Variants in EPHA6 observed in about 807,000 individuals in gnomAD.
The protein encoded by EPHA6 is ephrin type-A receptor 6.
In EPHA6, 50 loss-of-function variants were observed where a neutral mutation model predicts 112.0. The observed-to-expected ratio is 0.45, with a 90% CI of 0.36 to 0.56. EPHA6 has a LOEUF of 0.56. Among genes scored for constraint, EPHA6 ranks in the 20% least tolerant of loss-of-function variants. EPHA6 has a pLI of 0.00. For missense variants in EPHA6, 1,280 were observed against 1,417.4 expected, an observed-to-expected ratio of 0.90 and a Z score of 1.56; for synonymous variants, 529 against 490.7, an observed-to-expected ratio of 1.08 and a Z score of -1.03.
chr3:97,026,565 A>G (rs1232330471), intron 3 of EPHA6, among the ~76,000 whole-genome samples: 1 of 152,140 alleles, frequency 6.6e-6, no homozygotes, highest in Non-Finnish European at 1.5e-5. Context: ...TAAGTCTAAT[A>G]TCCTGCATTT....
At chr3:97,263,228 T>A (rs2079557787) in intron 5 of EPHA6, among the ~76,000 whole-genome samples, 1 of 152,134 alleles carries the variant, frequency 6.6e-6, no homozygotes, top group Non-Finnish European at 1.5e-5. Context: ...AGAAGAAGTG[T>A]TTAAAAGTGT....
At chr3:96,856,188 G>A (rs532250303) in intron 1 of EPHA6, among the ~76,000 whole-genome samples, 7 of 151,806 alleles carry the variant, frequency 4.6e-5, no homozygotes, top group Admixed American at 6.6e-5. Context: ...TGCAGTGAGC[G>A]GAGATCGCGC....
At chr3:97,204,165 G>A (rs1333184070) in intron 3 of EPHA6, among the ~76,000 whole-genome samples, 2 of 152,014 alleles carry the variant, frequency 1.3e-5, no homozygotes, top group Non-Finnish European at 2.9e-5. Flanking sequence ...TTTACTTAAG[G>A]AATAGTGAAA....
chr3:97,285,376 C>T (rs1948380883), intron 5 of EPHA6, among the ~76,000 whole-genome samples: 1 of 152,002 alleles, frequency 6.6e-6, no homozygotes, highest in Non-Finnish European at 1.5e-5. Flanking sequence ...CTTCATTGCT[C>T]TCTCCCACTC....
At chr3:97,586,696 T>C (rs879278850) in intron 11 of EPHA6, among the ~76,000 whole-genome samples, 1 of 150,780 alleles carries the variant, frequency 6.6e-6, no homozygotes, top group Non-Finnish European at 1.5e-5. Context: ...GATAGATGGA[T>C]GGATAGATGA....
intron 3 of EPHA6, among the ~76,000 whole-genome samples, chr3:97,159,540 G>C (rs1251657826): frequency 6.6e-6 from 1 of 152,054 alleles, no homozygotes; most frequent in East Asian, 1.9e-4. Flanking sequence ...ATGGCTGCTG[G>C]AGAAGCCATA....
At chr3:97,481,324 G>T (rs2091536435) in intron 9 of EPHA6, 6 of 1,554,902 alleles carry the variant, frequency 3.9e-6, no homozygotes, top group Admixed American at 1.7e-5. Context: ...TCCAGTTGTA[G>T]AGATGTTTCA....
chr3:97,338,005 G>A (rs1186068435), intron 5 of EPHA6, among the ~76,000 whole-genome samples: 1 of 152,078 alleles, frequency 6.6e-6, no homozygotes, highest in Non-Finnish European at 1.5e-5. Flanking sequence ...TATCAAATGT[G>A]CATTTGGATA....
At chr3:96,944,114 G>A (rs575058618) in intron 2 of EPHA6, among the ~76,000 whole-genome samples, 2 of 152,192 alleles carry the variant, frequency 1.3e-5, no homozygotes, top group South Asian at 2.1e-4. Flanking sequence ...AGAATGGTAT[G>A]TACTCACCAT....
intron 6 of EPHA6, among the ~76,000 whole-genome samples, chr3:97,414,764 T>C (rs1577306876): frequency 6.6e-6 from 1 of 152,060 alleles, no homozygotes; most frequent in Admixed American, 6.6e-5. Flanking sequence ...ATGACACTGA[T>C]ATAATTACTA....
chr3:97,047,434 A>AGCTT (rs1191653899), intron 3 of EPHA6, among the ~76,000 whole-genome samples: 1 of 143,116 alleles, frequency 7.0e-6, no homozygotes, highest in Non-Finnish European at 1.5e-5. Flanking sequence ...CAGGAGGTGG[A>AGCTT]GCTTGCAGTG....
chr3:97,099,271 AT>A (rs1350162645), intron 3 of EPHA6, among the ~76,000 whole-genome samples: 1 of 97,236 alleles, frequency 1.0e-5, no homozygotes, highest in Non-Finnish European at 1.8e-5. Context: ...AAATCTAAAT[AT>A]TTTTTTCCTG....
intron 5 of EPHA6, among the ~76,000 whole-genome samples, chr3:97,401,846 G>A (rs2087011183): frequency 6.6e-6 from 1 of 151,650 alleles, no homozygotes; most frequent in African/African-American, 2.4e-5. Context: ...ATATCTCTTA[G>A]GTTTGGGTAT....
chr3:97,640,669 A>G (rs1304077707), intron 14 of EPHA6, among the ~76,000 whole-genome samples: 1 of 152,000 alleles, frequency 6.6e-6, no homozygotes, highest in Non-Finnish European at 1.5e-5. Context: ...AATCCTGGCT[A>G]CTCGGCAGGC....
At chr3:96,902,058 T>C (rs940701785) in intron 2 of EPHA6, among the ~76,000 whole-genome samples, 3 of 152,100 alleles carry the variant, frequency 2.0e-5, no homozygotes, top group African/African-American at 7.2e-5. Context: ...TATTACTAAT[T>C]TACAGTGTCA....
intron 3 of EPHA6, among the ~76,000 whole-genome samples, chr3:97,126,941 G>T (rs866043018): frequency 1.0e-4 from 15 of 144,950 alleles, no homozygotes; most frequent in Admixed American, 2.8e-4. Flanking sequence ...AGAAACGAAA[G>T]AAAAAATTAA....
intron 2 of EPHA6, among the ~76,000 whole-genome samples, chr3:96,868,858 A>G (rs1181795503): frequency 6.6e-6 from 1 of 151,966 alleles, no homozygotes; most frequent in Non-Finnish European, 1.5e-5. Context: ...TTTTCTTTTT[A>G]CTTAAATTCA....
At chr3:97,442,133 C>A (rs991807360) in intron 6 of EPHA6, among the ~76,000 whole-genome samples, 11 of 152,116 alleles carry the variant, frequency 7.2e-5, no homozygotes, top group African/African-American at 2.7e-4. Flanking sequence ...TGACTATAAG[C>A]TCTTTTATCA....
At chr3:97,494,016 C>T (rs1403724690) in intron 10 of EPHA6, among the ~76,000 whole-genome samples, 1 of 152,186 alleles carries the variant, frequency 6.6e-6, no homozygotes, top group Non-Finnish European at 1.5e-5. Context: ...AATATGAATG[C>T]TAAAAATCAA....
Sources: allele counts gnomAD v4.1 joint callset (sites outside exome capture counted in the v4.1 genomes callset), GRCh38; gene constraint gnomAD v4.1.1; transcripts MANE v1.5; gene names NCBI Gene and HGNC (gene_info 2026-07-23, HGNC 2026-07-21).